BRINP3: variants seen among roughly 807,000 people sequenced by gnomAD.
BRINP3 encodes BMP/retinoic acid-inducible neural-specific protein 3.
A neutral mutation model predicts 71.0 loss-of-function variants in BRINP3; 19 were observed. The observed-to-expected ratio is 0.27, with a 90% CI of 0.19 to 0.39. BRINP3 has a LOEUF of 0.39. Among genes scored for constraint, BRINP3 ranks in the 10% least tolerant of loss-of-function variants. The probability of loss-of-function intolerance (pLI) is 1.00; values close to 1 mark genes in which losing one functional copy is unlikely to be tolerated. For synonymous variants in BRINP3, 380 were observed against 337.7 expected, an observed-to-expected ratio of 1.13 and a Z score of -1.37; for missense variants, 959 against 940.8, an observed-to-expected ratio of 1.02 and a Z score of -0.25.
intron 2 of BRINP3, among the ~76,000 whole-genome samples, chr1:190,451,481 T>G (rs1675602447): frequency 6.6e-6 from 1 of 152,186 alleles, no homozygotes; most frequent in Non-Finnish European, 1.5e-5. Context: ...TCCAGCTTAC[T>G]AAGGCGCCAA....
At chr1:190,130,122 T>C (rs1303542654) in intron 7 of BRINP3, among the ~76,000 whole-genome samples, 1 of 152,066 alleles carries the variant, frequency 6.6e-6, no homozygotes, top group African/African-American at 2.4e-5. Flanking sequence ...GATGTGTTTC[T>C]TATCTCTCTA....
At position 190,396,509 on chromosome 1, in the gene BRINP3, C is replaced by T. The variant is rs142410495; in HGVS notation, c.236+58146G>A. Among the ~76,000 whole-genome samples, 389 of 151,102 alleles carry T rather than the reference C, an allele frequency of 2.6e-3. 2 individuals are homozygous for T. Among genetic ancestry groups the T allele is most frequent in the African/African-American group, 8.9e-3 (367 of 41,268 alleles). The stretch of plus-strand genomic sequence containing the variant: ...TAGGAATCTATTGATTACATTAAAA[C>T]GACCAACTTACCAGCCATCAACTAC... On this transcript the variant is annotated intron_variant, in intron 2 of 7. Transcript: ENST00000367462.
intron 2 of BRINP3, among the ~76,000 whole-genome samples, chr1:190,376,867 T>G (rs898318504): frequency 6.6e-6 from 1 of 152,002 alleles, no homozygotes; most frequent in African/African-American, 2.4e-5. Flanking sequence ...ATTTTCTATT[T>G]TTAGCCATGA....
At chr1:190,179,005 T>A (rs1199116522) in intron 6 of BRINP3, among the ~76,000 whole-genome samples, 3 of 152,168 alleles carry the variant, frequency 2.0e-5, no homozygotes, top group East Asian at 3.8e-4. Context: ...CGCCTACCTT[T>A]CTCCTTTCTT....
intron 7 of BRINP3, among the ~76,000 whole-genome samples, chr1:190,116,285 A>G (rs1008398922): frequency 6.6e-6 from 1 of 152,098 alleles, no homozygotes; most frequent in Non-Finnish European, 1.5e-5. Flanking sequence ...AAATTGATTG[A>G]AGTAGACAAC....
chr1:190,316,279 T>C (rs1665875434), intron 2 of BRINP3, among the ~76,000 whole-genome samples: 1 of 152,130 alleles, frequency 6.6e-6, no homozygotes, highest in African/African-American at 2.4e-5. Flanking sequence ...ATGAGGTAGA[T>C]TCAATTATTG....
chr1:190,296,114 T>C (rs540538419), intron 2 of BRINP3, among the ~76,000 whole-genome samples: 2 of 151,378 alleles, frequency 1.3e-5, no homozygotes, highest in Non-Finnish European at 2.9e-5. Flanking sequence ...ATTTAAAAAA[T>C]TTTTGCCAAA....
chr1:190,255,408 G>A (rs770226074), intron 4 of BRINP3, among the ~76,000 whole-genome samples: 1 of 151,978 alleles, frequency 6.6e-6, no homozygotes, highest in Non-Finnish European at 1.5e-5. Context: ...GAATCCATCT[G>A]GTCCTCGACT....
At chr1:190,268,009 AT>A (rs1304045357) in intron 3 of BRINP3, among the ~76,000 whole-genome samples, 1 of 152,150 alleles carries the variant, frequency 6.6e-6, no homozygotes, top group African/African-American at 2.4e-5. Flanking sequence ...ATTAATAAAT[AT>A]TGAAGCAAAA....
chr1:190,370,169 A>G (rs1200060741), intron 2 of BRINP3, among the ~76,000 whole-genome samples: 1 of 152,214 alleles, frequency 6.6e-6, no homozygotes, highest in East Asian at 1.9e-4. Context: ...CCATGAATGC[A>G]TACACACATA....
intron 1 of BRINP3, among the ~76,000 whole-genome samples, chr1:190,473,906 C>A (rs985956804): frequency 1.3e-5 from 2 of 151,648 alleles, no homozygotes; most frequent in African/African-American, 4.8e-5. Context: ...CCCACCCCCA[C>A]CTCATGTATT....
intron 2 of BRINP3, among the ~76,000 whole-genome samples, chr1:190,329,552 A>G (rs958189364): frequency 6.6e-6 from 1 of 152,224 alleles, no homozygotes; most frequent in African/African-American, 2.4e-5. Context: ...AAATGAAAAA[A>G]CATTACATGC....
At chr1:190,465,124 A>T (rs1245101028) in intron 1 of BRINP3, among the ~76,000 whole-genome samples, 2 of 151,894 alleles carry the variant, frequency 1.3e-5, no homozygotes, top group Non-Finnish European at 2.9e-5. Context: ...CAAATACAAG[A>T]ATCACCTAGG....
At chr1:190,294,135 A>G (rs2102975965) in intron 2 of BRINP3, among the ~76,000 whole-genome samples, 1 of 151,492 alleles carries the variant, frequency 6.6e-6, no homozygotes, top group South Asian at 2.1e-4. Flanking sequence ...CTGTTAAGTT[A>G]TTTCCTCTGG....
chr1:190,222,615 G>A (rs1433471659), intron 6 of BRINP3, among the ~76,000 whole-genome samples: 1 of 151,622 alleles, frequency 6.6e-6, no homozygotes, highest in Admixed American at 6.6e-5. Flanking sequence ...CTGCATGTTT[G>A]AAAAGATATT....
chr1:190,383,713 G>A (rs1470382773), intron 2 of BRINP3, among the ~76,000 whole-genome samples: 1 of 151,960 alleles, frequency 6.6e-6, no homozygotes, highest in Non-Finnish European at 1.5e-5. Flanking sequence ...AGCATAGATA[G>A]TCAGAATAAC....
At chr1:190,381,268 CCAAAACAAAA>C (rs199595359) in intron 2 of BRINP3, among the ~76,000 whole-genome samples, 4 of 143,008 alleles carry the variant, frequency 2.8e-5, no homozygotes, top group African/African-American at 4.9e-5. Context: ...TTTCCCTCCA[CCAAAACAAAA>C]CAAAACAAAA....
Position 190,397,749 on chromosome 1 carries a change from T to C in BRINP3, c.236+56906A>G, listed in dbSNP as rs147105490. On this transcript the variant is annotated intron_variant, in intron 2 of 7. Coordinates refer to ENST00000367462, the MANE Select transcript of BRINP3 (RefSeq NM_199051.3). The stretch of plus-strand genomic sequence containing the variant: ...CATATTTGATTATGCATGTGAATAA[T>C]TAAATTAAATAATTTTAATTATTAA... Among the ~76,000 whole-genome samples the C allele has an allele frequency of 2.4e-4, 37 of 151,994 alleles. 1 individual carries two copies. In the East Asian group the frequency reaches 6.6e-3, roughly 27 times the overall value.
intron 2 of BRINP3, among the ~76,000 whole-genome samples, chr1:190,423,742 A>T (rs548175938): frequency 3.3e-5 from 5 of 151,228 alleles, no homozygotes; most frequent in Admixed American, 1.3e-4. Flanking sequence ...CAACTCCTCC[A>T]CCCCCTACCC....
Sources: allele counts gnomAD v4.1 joint callset (sites outside exome capture counted in the v4.1 genomes callset), GRCh38; gene constraint gnomAD v4.1.1; transcripts MANE v1.5; gene names NCBI Gene and HGNC (gene_info 2026-07-23, HGNC 2026-07-21).